Variants in ALCAM observed in about 807,000 individuals in gnomAD.
The protein encoded by ALCAM is activated leukocyte cell adhesion molecule.
ALCAM carries 30 observed loss-of-function variants against 70.9 expected under a neutral mutation model. The observed-to-expected ratio is 0.42, with a 90% CI of 0.32 to 0.57. The LOEUF is 0.57. Among genes scored for constraint, ALCAM ranks in the 20% least tolerant of loss-of-function variants. The pLI is 0.11. For missense variants in ALCAM, 591 were observed against 695.1 expected, an observed-to-expected ratio of 0.85 and a Z score of 1.68; for synonymous variants, 249 against 242.5, an observed-to-expected ratio of 1.03 and a Z score of -0.25.
At chr3:105,506,730 G>T (rs1160579863) in intron 1 of ALCAM, among the ~76,000 whole-genome samples, 1 of 152,134 alleles carries the variant, frequency 6.6e-6, no homozygotes, top group Non-Finnish European at 1.5e-5. Flanking sequence ...CAGTAACCAT[G>T]AACAAATTAT....
At chr3:105,428,069 G>A (rs1391084284) in intron 1 of ALCAM, among the ~76,000 whole-genome samples, 1 of 151,880 alleles carries the variant, frequency 6.6e-6, no homozygotes, top group East Asian at 1.9e-4. Flanking sequence ...CGAAATATCT[G>A]AACTAAATAT....
rs1407129149 is a variant in ALCAM, at chr3:105,533,550, A to G, written c.460-53A>G. 10 of 1,527,798 alleles carry G rather than the reference A, an allele frequency of 6.5e-6. No homozygotes were observed. In the Admixed American group the frequency reaches 1.5e-4, roughly 23 times the overall value. 94.6% of individuals were successfully genotyped at this position (1,527,798 alleles called of 1,614,324 possible). Reference sequence around the variant, plus strand: ...TTGCCTGAGTTTCTGGAGTTTCCAAATTGACAGCCCCTGATTGAACCAAGG... The same window carrying G: ...TTGCCTGAGTTTCTGGAGTTTCCAAGTTGACAGCCCCTGATTGAACCAAGG... On this transcript the variant is annotated intron_variant, in intron 4 of 15. Coordinates refer to ENST00000306107, the MANE Select transcript of ALCAM (RefSeq NM_001627.4).
chr3:105,547,163 T>A lies in ALCAM; in HGVS notation c.1119T>A (p.Leu373=). ...TATTTAATCAGGATAACATCAGGCT[T>A]CGATCTAGCCCGTCATTTTCTAGTC... ...TVVWMKDNIR[L]RSSPSFSSLH... Residue 373 remains leucine (L), a synonymous_variant, in exon 10 of 16, where the codon CTT becomes CTA. Transcript: ENST00000306107. 5.0e-6 allele frequency: 8 copies of A among 1,592,188 alleles called. No homozygotes were observed. Among genetic ancestry groups the A allele is most frequent in the Non-Finnish European group, 6.8e-6 (8 of 1,171,896 alleles).
At chr3:105,461,012 G>A (rs1461580536) in intron 1 of ALCAM, among the ~76,000 whole-genome samples, 2 of 151,884 alleles carry the variant, frequency 1.3e-5, no homozygotes, top group Admixed American at 6.6e-5. Flanking sequence ...GTGTGTGTGT[G>A]TGTATGTGTG....
intron 1 of ALCAM, among the ~76,000 whole-genome samples, chr3:105,476,162 T>G (rs1352635493): frequency 6.6e-6 from 1 of 152,010 alleles, no homozygotes; most frequent in Admixed American, 6.6e-5. Context: ...TGAAACACCT[T>G]GTTCCTGTAA....
At chr3:105,450,313 A>T (rs987479686) in intron 1 of ALCAM, among the ~76,000 whole-genome samples, 1 of 152,096 alleles carries the variant, frequency 6.6e-6, no homozygotes, top group Non-Finnish European at 1.5e-5. Flanking sequence ...ATAATTCCTC[A>T]GCATTACTCC....
chr3:105,382,341 G>A (rs1180503475), intron 1 of ALCAM, among the ~76,000 whole-genome samples: 1 of 151,944 alleles, frequency 6.6e-6, no homozygotes, highest in African/African-American at 2.4e-5. Flanking sequence ...GTCTATCATT[G>A]TTGGACATTT....
intron 1 of ALCAM, among the ~76,000 whole-genome samples, chr3:105,442,890 A>G (rs192529081): frequency 2.6e-5 from 4 of 152,324 alleles, no homozygotes; most frequent in Admixed American, 2.6e-4. Context: ...GGTGAAGTAT[A>G]GTGAGTATAG....
chr3:105,475,301 C>A (rs989484478), intron 1 of ALCAM, among the ~76,000 whole-genome samples: 5 of 151,868 alleles, frequency 3.3e-5, no homozygotes, highest in African/African-American at 4.8e-5. Context: ...TATATAATAT[C>A]CTCCATATGA....
intron 1 of ALCAM, among the ~76,000 whole-genome samples, chr3:105,441,029 T>A (rs1937158838): frequency 6.6e-6 from 1 of 152,126 alleles, no homozygotes; most frequent in Non-Finnish European, 1.5e-5. Context: ...TTTCTAGGAG[T>A]TAGAACCTCC....
intron 1 of ALCAM, among the ~76,000 whole-genome samples, chr3:105,435,779 T>G (rs1937035279): frequency 6.6e-6 from 1 of 151,596 alleles, no homozygotes; most frequent in South Asian, 2.1e-4. Context: ...AAAAAGAGGT[T>G]TTTTTTTGTT....
At chr3:105,472,691 A>AC (rs1480980711) in intron 1 of ALCAM, among the ~76,000 whole-genome samples, 1 of 151,464 alleles carries the variant, frequency 6.6e-6, no homozygotes, top group African/African-American at 2.4e-5. Flanking sequence ...TCTTGTACGG[A>AC]TTGAGATGTC....
chr3:105,367,916 C>A (rs561350772), intron 1 of ALCAM, among the ~76,000 whole-genome samples: 1 of 152,006 alleles, frequency 6.6e-6, no homozygotes, highest in Non-Finnish European at 1.5e-5. Flanking sequence ...CGTGATAAAT[C>A]CCCTAGTAAC....
chr3:105,569,529 A>G (rs189923493), intron 14 of ALCAM, among the ~76,000 whole-genome samples: 20 of 152,282 alleles, frequency 1.3e-4, no homozygotes, highest in African/African-American at 4.6e-4. Flanking sequence ...TATTTTGTCA[A>G]CTTGCTTATA....
chr3:105,501,735 G>A (rs1231649425), intron 1 of ALCAM, among the ~76,000 whole-genome samples: 2 of 152,212 alleles, frequency 1.3e-5, no homozygotes, highest in East Asian at 3.9e-4. Flanking sequence ...ACAGTACTAT[G>A]CCTGAATCAG....
At chr3:105,532,129 T>C (rs1939855066) in intron 4 of ALCAM, 63 bp downstream of exon 4, 1 of 1,358,744 alleles carries the variant, frequency 7.4e-7, no homozygotes, top group African/African-American at 1.4e-5. Context: ...TCTTCTGACC[T>C]TACATTCCAA....
At chr3:105,573,397 G>T (rs1408863947) in intron 15 of ALCAM, among the ~76,000 whole-genome samples, 1 of 152,150 alleles carries the variant, frequency 6.6e-6, no homozygotes, top group Non-Finnish European at 1.5e-5. Context: ...TATTTATACA[G>T]CCAATATCCC....
chr3:105,395,441 C>A lies in ALCAM; in HGVS notation c.73+27960C>A, dbSNP rs1935925714. Reference sequence around the variant, plus strand: ...TCTTATATCCAGAGATGTTTTCTTACTAAATTGTTATGTATGTATACTCAT... The same window carrying A: ...TCTTATATCCAGAGATGTTTTCTTAATAAATTGTTATGTATGTATACTCAT... On this transcript the variant is annotated intron_variant, in intron 1 of 15. Transcript: ENST00000306107. Among the ~76,000 whole-genome samples the A allele has an allele frequency of 3.9e-5, 6 of 152,004 alleles. No individual in the cohort carries two copies. The South Asian group carries it at 1.2e-3, about 31-fold the overall frequency.
intron 1 of ALCAM, among the ~76,000 whole-genome samples, chr3:105,453,291 G>C (rs1188417352): frequency 6.6e-6 from 1 of 152,140 alleles, no homozygotes; most frequent in African/African-American, 2.4e-5. Context: ...TTCTGCATAT[G>C]GCTAGCCGGT....
Sources: gnomAD v4.1 joint callset for allele counts (sites outside exome capture counted in the v4.1 genomes callset) on GRCh38, gnomAD v4.1.1 for gene constraint, MANE v1.5 for transcripts, NCBI Gene and HGNC (gene_info 2026-07-23, HGNC 2026-07-21) for gene names.